Variants in C14orf93 observed in about 807,000 individuals in gnomAD.
C14orf93 encodes the protein uncharacterized protein C14orf93.
C14orf93 carries 23 observed loss-of-function variants against 44.0 expected under a neutral mutation model. The observed-to-expected ratio is 0.52, with a 90% CI of 0.38 to 0.74. C14orf93 has a LOEUF of 0.74. Ranked by LOEUF, C14orf93 falls within the 30% of genes least tolerant of loss-of-function variation. The pLI is 0.00. For missense variants in C14orf93, 579 were observed against 678.9 expected (o/e 0.85, Z 1.64); for synonymous variants, 253 against 265.7 (o/e 0.95, Z 0.46).
At chr14:23,003,004 T>C (rs944960456) in intron 1 of C14orf93, among the ~76,000 whole-genome samples, 2 of 152,226 alleles carry the variant, frequency 1.3e-5, no homozygotes, top group Non-Finnish European at 2.9e-5. Flanking sequence ...TGACGCAAAT[T>C]AGAAAGGTAA....
chr14:22,987,043 A>C lies in C14orf93; in HGVS notation c.*172T>G, dbSNP rs2045262273. ...GAGGGAGTTTCTCCCCTTCTAGATA[A>C]GTTTTTATCCCACCAGTGTTCTGCT... On this transcript the variant is annotated 3_prime_UTR_variant, in exon 7 of 7. Transcript: ENST00000299088. The surrounding 1 kb of genome is among the most constrained non-coding windows in gnomAD (Gnocchi z 5.6). 7.4e-6 allele frequency: 5 copies of C among 676,972 alleles called. No individual in the cohort carries two copies. Among genetic ancestry groups the C allele is most frequent in the Non-Finnish European group, 1.2e-5 (5 of 408,246 alleles). The allele number at this position is 676,972 out of a possible 1,614,324, so 41.9% of individuals were successfully genotyped here. A position where few individuals can be genotyped will look rare whatever the true frequency, so the allele number is the denominator to read the frequency against.
chr14:22,987,866 G>A lies in C14orf93; in HGVS notation c.1197+37C>T, dbSNP rs769220926. 2 of 1,528,152 alleles carry A rather than the reference G, an allele frequency of 1.3e-6. No individual in the cohort carries two copies. Among genetic ancestry groups the A allele is most frequent in the East Asian group, 2.2e-5 (1 of 44,450 alleles). The allele number at this position is 1,528,152 out of a possible 1,614,324, so 94.7% of individuals were successfully genotyped here. A position where few individuals can be genotyped will look rare whatever the true frequency, so the allele number is the denominator to read the frequency against. On this transcript the variant is annotated intron_variant, in intron 6 of 6. Transcript: ENST00000299088. This position sits in a 1 kb window ranked among gnomAD's most constrained non-coding sequence, Gnocchi z 5.6. ...CCCTTCCCACTTAGGAAAGGGTTTA[G>A]AGTTTAGTATCTTGAAAGAAAGGCC...
chr14:22,989,975 C>T, intron 4 of C14orf93, 91 bp downstream of exon 4: 2 of 1,429,214 alleles, frequency 1.4e-6, no homozygotes, highest in South Asian at 2.3e-5. Flanking sequence ...AGATCAAAGC[C>T]TTAGTCTCAT....
intron 3 of C14orf93, chr14:22,994,105 G>A (rs1415853026): frequency 6.6e-6 from 1 of 152,226 alleles, no homozygotes; most frequent in South Asian, 2.1e-4. Flanking sequence ...CCTCAATGCT[G>A]TACCTCTCTC....
intron 1 of C14orf93, chr14:23,001,119 T>C: frequency 6.6e-6 from 1 of 152,238 alleles, no homozygotes; most frequent in East Asian, 1.9e-4. Flanking sequence ...GAATCACTTA[T>C]GTATTCTTTT....
chr14:23,005,870 A>C (rs1336790987), intron 1 of C14orf93: 1 of 152,214 alleles, frequency 6.6e-6, no homozygotes, highest in African/African-American at 2.4e-5. Flanking sequence ...CTCCCAAGTC[A>C]CATTTTTGTT....
At chr14:22,997,093 C>T (rs938406043) in intron 2 of C14orf93, among the ~76,000 whole-genome samples, 2 of 152,090 alleles carry the variant, frequency 1.3e-5, no homozygotes, top group Non-Finnish European at 2.9e-5. Context: ...ATCCTGTCGG[C>T]TTGGAAGCCT....
chr14:22,986,644 A>G lies in C14orf93; in HGVS notation c.*571T>C, dbSNP rs2045239972. 6.5e-6 allele frequency: 1 copy of G among 153,722 alleles called. No homozygotes were observed. The highest frequency in any genetic ancestry group is 1.4e-5 in the Non-Finnish European group (1 of 69,042). 9.5% of individuals were successfully genotyped at this position (153,722 alleles called of 1,614,324 possible). On this transcript the variant is annotated 3_prime_UTR_variant, in exon 7 of 7. Transcript: ENST00000299088. ...GGAATAGTAAAATTTTCCTCATGTA[A>G]TTCAATAAACAATAGCTATTATATC... is the stretch of plus-strand genomic sequence containing the variant.
At chr14:22,990,407 A>G (rs2045527723) in intron 3 of C14orf93, among the ~76,000 whole-genome samples, 1 of 152,110 alleles carries the variant, frequency 6.6e-6, no homozygotes, top group African/African-American at 2.4e-5. Flanking sequence ...CATACCCCTG[A>G]TAGCAACGAG....
At chr14:23,002,905 A>T (rs1362394768) in intron 1 of C14orf93, 1 of 152,056 alleles carries the variant, frequency 6.6e-6, no homozygotes, top group Admixed American at 6.6e-5. Context: ...AATTTGGGGA[A>T]ATTTGCCCCC....
intron 1 of C14orf93, chr14:23,006,925 T>C (rs1387217647): frequency 6.6e-6 from 1 of 152,418 alleles, no homozygotes; most frequent in African/African-American, 2.4e-5. Flanking sequence ...GCTAGGGATC[T>C]CGCCGGGTCA....
intron 1 of C14orf93, among the ~76,000 whole-genome samples, chr14:23,007,292 G>GCCTCCTCAGGGAGGGA (rs1296901981): frequency 1.3e-5 from 2 of 152,224 alleles, no homozygotes; most frequent in Non-Finnish European, 2.9e-5. Flanking sequence ...TAGGGGAGGG[G>GCCTCCTCAGGGAGGGA]CCTCCTCAGG....
intron 1 of C14orf93, among the ~76,000 whole-genome samples, chr14:23,007,581 CAG>C (rs1340077349): frequency 6.6e-6 from 1 of 152,150 alleles, no homozygotes; most frequent in African/African-American, 2.4e-5. Context: ...GCAAAATCAA[CAG>C]AGTTTAGTTT....
At chr14:22,995,679 CAAAA>C (rs58710730) in intron 3 of C14orf93, among the ~76,000 whole-genome samples, 23 of 45,030 alleles carry the variant, frequency 5.1e-4, no homozygotes, top group South Asian at 9.6e-4. Flanking sequence ...GACTCTGACT[CAAAA>C]AAAAAAAAAA....
intron 3 of C14orf93, among the ~76,000 whole-genome samples, chr14:22,991,332 C>CTA (rs2045614206): frequency 6.6e-6 from 1 of 151,684 alleles, no homozygotes. Context: ...CATCCTCCGC[C>CTA]TCCCGGGTTC....
Position 22,987,693 on chromosome 14 carries a change from G to C in C14orf93, c.1198-59C>G. The C allele has an allele frequency of 3.3e-6, 5 of 1,505,428 alleles. No homozygotes were observed. The highest frequency in any genetic ancestry group is 4.4e-6 in the Non-Finnish European group (5 of 1,125,278). 93.3% of individuals were successfully genotyped at this position (1,505,428 alleles called of 1,614,324 possible). On this transcript the variant is annotated intron_variant, in intron 6 of 6. Transcript: ENST00000299088. The surrounding 1 kb of genome is among the most constrained non-coding windows in gnomAD (Gnocchi z 5.6). ...GTAAACATTCTATGGATTAGATTTG[G>C]GGAAAAGGTTTGGTGGGGAAGGCTG...
Position 22,990,068 on chromosome 14 carries a change from T to G in C14orf93, c.978A>C (p.Glu326Asp). The G allele has an allele frequency of 6.2e-7, 1 of 1,612,518 alleles. No homozygotes were observed. Among genetic ancestry groups the G allele is most frequent in the Non-Finnish European group, 8.5e-7 (1 of 1,178,590 alleles). The change falls in exon 4 of 7, where the codon GAA becomes GAC. Residue 326 changes from glutamate to aspartate, a missense_variant and splice_region_variant. Physicochemically the swap from Glu to Asp is conservative, Grantham distance 45. Transcript: ENST00000299088. ...CTTTTTCCTCAAGGAGACCATACCT[T>G]TCAGACCCATTGAATCTCTTGTCAT... ...ITNDKRFNGS[E>D]SIKSSWNISV...
intron 3 of C14orf93, 78 bp downstream of exon 3, chr14:22,995,870 C>T: frequency 7.3e-7 from 1 of 1,361,420 alleles, no homozygotes; most frequent in South Asian, 1.4e-5. Context: ...ATATGGGAGG[C>T]CTAAAATCAA....
Position 22,998,831 on chromosome 14 carries a change from TA to T in C14orf93, c.192del (p.Ile65SerfsTer26). The part of the protein sequence containing the change: ...AVQSSEQLLH[V>X]IYQRVDKAVG... ...ACTGCCTTATCGACCCGCTGGTAGA[TA>T]ACATGCAGGAGCTGCTCTGAGCTCT... On this transcript the variant is annotated frameshift_variant, in exon 2 of 7. Coordinates refer to ENST00000299088, the MANE Select transcript of C14orf93 (RefSeq NM_021944.4). LOFTEE classifies it high-confidence loss of function. 2 of 1,614,032 alleles carry T rather than the reference TA, an allele frequency of 1.2e-6. No homozygotes were observed. Among genetic ancestry groups the T allele is most frequent in the Non-Finnish European group, 1.7e-6 (2 of 1,180,020 alleles).
Sources: gnomAD v4.1 joint callset for allele counts (sites outside exome capture counted in the v4.1 genomes callset) on GRCh38, gnomAD v4.1.1 for gene constraint, Gnocchi (gnomAD v3.1) non-coding constraint, MANE v1.5 for transcripts, NCBI Gene and HGNC (gene_info 2026-07-23, HGNC 2026-07-21) for gene names.